The following LSR variants were observed in gnomAD, a reference collection of about 807,000 sequenced individuals.
LSR encodes lipolysis-stimulated lipoprotein receptor.
LSR carries 44 observed loss-of-function variants against 61.8 expected under a neutral mutation model. The ratio of observed to expected loss-of-function variants is 0.71; its 90% CI spans 0.56 to 0.91. The LOEUF (loss-of-function observed/expected upper bound fraction) is 0.91, where lower values mean the gene tolerates loss of function less well. Among genes scored for constraint, LSR ranks in the 40% least tolerant of loss-of-function variants. The probability of loss-of-function intolerance (pLI) is 0.00; values close to 1 mark genes in which losing one functional copy is unlikely to be tolerated. For missense variants in LSR, 911 were observed against 830.5 expected (o/e 1.10, Z -1.19); for synonymous variants, 397 against 350.6 (o/e 1.13, Z -1.48).
chr19:35,258,437 G>A (rs1331083688), intron 2 of LSR, among the ~76,000 whole-genome samples: 1 of 146,638 alleles, frequency 6.8e-6, no homozygotes, highest in African/African-American at 2.5e-5. Flanking sequence ...GGCAACAAGA[G>A]TGAAACTCCG....
chr19:35,252,275 G>A (rs2065803874), intron 2 of LSR, among the ~76,000 whole-genome samples: 1 of 152,152 alleles, frequency 6.6e-6, no homozygotes, highest in South Asian at 2.1e-4. Context: ...TGATTGGGAT[G>A]GCTGAAGTTT....
At chr19:35,254,206 G>A (rs565105140) in intron 2 of LSR, among the ~76,000 whole-genome samples, 71 of 152,174 alleles carry the variant, frequency 4.7e-4, no homozygotes, top group South Asian at 1.2e-3. Context: ...TGATTCTCCC[G>A]CCTCAGCCTC....
At chr19:35,265,063 G>C (rs1309006632) in intron 5 of LSR, among the ~76,000 whole-genome samples, 1 of 152,172 alleles carries the variant, frequency 6.6e-6, no homozygotes, top group African/African-American at 2.4e-5. Context: ...ATTGAAGTCA[G>C]TGGTGTGCAA....
At chr19:35,254,694 C>G (rs1452289504) in intron 2 of LSR, among the ~76,000 whole-genome samples, 1 of 152,118 alleles carries the variant, frequency 6.6e-6, no homozygotes, top group Non-Finnish European at 1.5e-5. Context: ...GGCTGCTGTT[C>G]CCACTGGAGA....
intron 2 of LSR, among the ~76,000 whole-genome samples, chr19:35,252,185 T>A (rs1264289493): frequency 6.6e-6 from 1 of 152,172 alleles, no homozygotes; most frequent in South Asian, 2.1e-4. Context: ...CTGTTGGGAC[T>A]AAGTAAGGGG....
chr19:35,264,455 G>T, intron 5 of LSR: 1 of 152,292 alleles, frequency 6.6e-6, no homozygotes. Context: ...ATCAGCCTTG[G>T]GACACCAGAC....
At chr19:35,263,846 G>A (rs1024847319) in intron 5 of LSR, among the ~76,000 whole-genome samples, 3 of 150,028 alleles carry the variant, frequency 2.0e-5, no homozygotes, top group East Asian at 2.0e-4. Flanking sequence ...TCACTCTGTC[G>A]CCCAGGCTGG....
At chr19:35,252,196 C>T (rs2065802693) in intron 2 of LSR, among the ~76,000 whole-genome samples, 1 of 152,072 alleles carries the variant, frequency 6.6e-6, no homozygotes, top group Non-Finnish European at 1.5e-5. Context: ...AAGTAAGGGG[C>T]AGTCATTCAT....
rs373039053 is a variant in LSR at position 35,267,695 on chromosome 19, G to A, written c.1731G>A (p.Glu577=). The part of the protein sequence containing the change: ...YYPPAPPPYS[E]TDSQASRERR... ...CGCCCGCGCCGCCCCCGTACTCGGA[G>A]ACCGACTCGCAGGCGTCCCGAGAGC... is the stretch of plus-strand genomic sequence containing the variant. Residue 577 remains glutamate, a synonymous_variant, in exon 9 of 10, where the codon GAG becomes GAA. Transcript: ENST00000605618. 2.9e-5 allele frequency: 46 copies of A among 1,602,802 alleles called. No individual in the cohort carries two copies. In the African/African-American group the frequency reaches 3.1e-4, roughly 11 times the overall value.
In LSR at chr19:35,267,535, G is replaced by A. The variant is rs1368765025; in HGVS notation, c.1571G>A (p.Arg524Gln). The A allele has an allele frequency of 1.2e-6, 2 of 1,612,076 alleles. No individual in the cohort carries two copies. The highest frequency in any genetic ancestry group is 1.7e-6 in the Non-Finnish European group (2 of 1,179,730). ...ADPRSHHHRT[R>Q]DPRDNGSRSG... ...CCCAGGTCCCACCACCACCGTACCC[G>A]GGACCCTCGGGACAACGGCTCCAGG... The change falls in exon 9 of 10, where the codon CGG becomes CAG. Residue 524 changes from arginine to glutamine, a missense_variant. Transcript: ENST00000605618.
intron 9 of LSR, 30 bp downstream of exon 9, chr19:35,267,764 C>G (rs1267296865): frequency 9.3e-6 from 15 of 1,613,098 alleles, no homozygotes; most frequent in Non-Finnish European, 1.1e-5. Context: ...GCGTCCAGAC[C>G]GTCCCTGGGC....
chr19:35,256,713 TGAATGAATGAATGAATGAAA>T (rs911083975), intron 2 of LSR, among the ~76,000 whole-genome samples: 3 of 127,590 alleles, frequency 2.4e-5, no homozygotes, highest in African/African-American at 5.8e-5. Context: ...AATGAATGAA[TGAATGAATGAATGAATGAAA>T]GAAAGAAAGA....
chr19:35,257,585 G>A (rs980856077), intron 2 of LSR, among the ~76,000 whole-genome samples: 10 of 152,118 alleles, frequency 6.6e-5, no homozygotes, highest in South Asian at 2.1e-4. Flanking sequence ...GGTTGCTGCC[G>A]TCACAGAGCT....
At chr19:35,258,528 C>T (rs961416797) in intron 2 of LSR, among the ~76,000 whole-genome samples, 1 of 151,536 alleles carries the variant, frequency 6.6e-6, no homozygotes, top group Non-Finnish European at 1.5e-5. Flanking sequence ...TTGCTTGAGT[C>T]CAGGAGGTTG....
chr19:35,251,592 T>A (rs1450028628), intron 2 of LSR: 1 of 152,076 alleles, frequency 6.6e-6, no homozygotes, highest in Non-Finnish European at 1.5e-5. Context: ...AAGCTCCTAA[T>A]CCCTTTGCTT....
At chr19:35,256,235 A>C (rs2065854597) in intron 2 of LSR, among the ~76,000 whole-genome samples, 2 of 115,568 alleles carry the variant, frequency 1.7e-5, no homozygotes, top group Admixed American at 2.0e-4. Flanking sequence ...CTCCATCTCA[A>C]AAAAAAAAAA....
rs1211642290 is a variant in LSR, at chr19:35,267,212, C to T, written c.1248C>T (p.Ser416=). The change falls in exon 9 of 10, where the codon TCC becomes TCT. Residue 416 remains serine, a synonymous_variant. Coordinates refer to ENST00000605618, the MANE Select transcript of LSR (RefSeq NM_205834.4). ...GGGATGAGGAGTGGGGTGGCCACTC[C>T]CCCCGGAGTCCCAGGGGATGGGACC... ...PIRDEEWGGH[S]PRSPRGWDQE... 2.0e-6 allele frequency: 3 copies of T among 1,521,188 alleles called. No individual in the cohort carries two copies. In the Admixed American group the frequency reaches 6.6e-5, roughly 34 times the overall value. The allele number at this position is 1,521,188 out of a possible 1,614,324, so 94.2% of individuals were successfully genotyped here.
Position 35,260,291 on chromosome 19 carries a change from C to CTTTTTTT in LSR, c.574+1239_574+1245dup, listed in dbSNP as rs66534837. On this transcript the variant is annotated intron_variant, in intron 3 of 9. Coordinates refer to ENST00000605618, the MANE Select transcript of LSR (RefSeq NM_205834.4). ...TAGGAATTAAAATGGGGAGATTTTC[C>CTTTTTTT]TTTTTTTTTTTTTTTTTTGAGATGG... Among the ~76,000 whole-genome samples, 9 of 114,004 alleles carry CTTTTTTT rather than the reference C, an allele frequency of 7.9e-5. 1 individual carries two copies. The highest frequency in any genetic ancestry group is 1.0e-4 in the African/African-American group (3 of 29,988). 74.8% of individuals were successfully genotyped at this position (114,004 alleles called of 152,430 possible).
At chr19:35,261,438 C>A (rs1028851744) in intron 3 of LSR, among the ~76,000 whole-genome samples, 1 of 152,076 alleles carries the variant, frequency 6.6e-6, no homozygotes, top group East Asian at 1.9e-4. Context: ...AGCTACTTAC[C>A]CCAGAGGCTG....
Sources: allele counts gnomAD v4.1 joint callset (sites outside exome capture counted in the v4.1 genomes callset), GRCh38; gene constraint gnomAD v4.1.1; transcripts MANE v1.5; gene names NCBI Gene and HGNC (gene_info 2026-07-23, HGNC 2026-07-21).